The following APOL3 variants were observed in gnomAD, a reference collection of about 807,000 sequenced individuals.
APOL3 encodes TNF-inducible protein CG12-1.
APOL3 carries 14 observed loss-of-function variants against 11.6 expected under a neutral mutation model. That is an observed-to-expected ratio of 1.21 (90% confidence interval 0.80 to 1.89). The LOEUF is 1.89. APOL3 is among the 40% of genes most tolerant of loss of function. The pLI, the probability that APOL3 is intolerant of heterozygous loss-of-function variation, is 0.00. For synonymous variants in APOL3, 192 were observed against 190.6 expected (o/e 1.01, Z -0.06); for missense variants, 483 against 492.1 (o/e 0.98, Z 0.17).
chr22:36,160,222 G>A (rs184092415), intron 1 of APOL3, among the ~76,000 whole-genome samples: 299 of 152,182 alleles, frequency 2.0e-3, no homozygotes, highest in Non-Finnish European at 3.1e-3. Flanking sequence ...TGTCCCCATC[G>A]GGCCTCAGCA....
At chr22:36,154,077 G>C (rs886798404) in intron 1 of APOL3, among the ~76,000 whole-genome samples, 3 of 152,174 alleles carry the variant, frequency 2.0e-5, no homozygotes, top group African/African-American at 7.2e-5. Flanking sequence ...CAGCTAGCAG[G>C]CTTCACAGAG....
At chr22:36,141,501 G>C in exon 3 of APOL3, 1 of 1,614,188 alleles carries the variant, frequency 6.2e-7, no homozygotes, top group Non-Finnish European at 8.5e-7. Context: ...TCGGGCCCTG[G>C]CTCTGGCTTG....
chr22:36,144,184 G>T (rs569246760), intron 2 of APOL3, among the ~76,000 whole-genome samples: 7 of 152,148 alleles, frequency 4.6e-5, no homozygotes, highest in Admixed American at 4.6e-4. Context: ...CCCACTCACT[G>T]GTCCTCTGCA....
At chr22:36,160,929 T>G (rs754703537) in exon 1 of APOL3, 1 of 1,591,916 alleles carries the variant, frequency 6.3e-7, no homozygotes, top group Non-Finnish European at 8.6e-7. Context: ...ACCCTCCTGC[T>G]GATCCAAGAG....
intron 1 of APOL3, 109 bp downstream of exon 1, chr22:36,160,560 T>A: frequency 8.5e-7 from 1 of 1,171,560 alleles, no homozygotes; most frequent in Non-Finnish European, 1.2e-6. Flanking sequence ...GTGACCTCAG[T>A]CAGTTACCTA....
rs138851629 is a variant in APOL3 at position 36,141,692 on chromosome 22, G to A, written c.717C>T (p.Ile239=). The A allele has an allele frequency of 5.6e-5, 91 of 1,614,006 alleles. 1 individual carries two copies. In the Middle Eastern group the frequency reaches 1.8e-3, roughly 32 times the overall value. The change falls in exon 3 of 3, where the codon ATC becomes ATT. Residue 239 remains isoleucine, a synonymous_variant. Coordinates refer to ENST00000349314, the Ensembl canonical transcript of APOL3. ...CTGATGATGTGTATGAGTGCTCCACGATGCTGGTGGTGATCCCAGTCACAG... is the reference window on the plus strand; with the variant it reads ...CTGATGATGTGTATGAGTGCTCCACAATGCTGGTGGTGATCCCAGTCACAG...
At chr22:36,145,408 T>G (rs1158664763) in intron 2 of APOL3, 65 bp downstream of exon 3, 2 of 1,557,772 alleles carry the variant, frequency 1.3e-6, no homozygotes, top group African/African-American at 2.7e-5. Flanking sequence ...CAGAGAAAAC[T>G]AGCCCAGGGG....
At chr22:36,160,098 G>A (rs1407464951) in intron 1 of APOL3, among the ~76,000 whole-genome samples, 2 of 152,068 alleles carry the variant, frequency 1.3e-5, no homozygotes, top group Admixed American at 6.5e-5. Flanking sequence ...GGCCAGGCAG[G>A]TCTCGAACTC....
intron 1 of APOL3, among the ~76,000 whole-genome samples, chr22:36,157,307 G>A (rs893816246): frequency 3.9e-5 from 6 of 152,126 alleles, no homozygotes; most frequent in African/African-American, 1.4e-4. Context: ...GGACTTTTAC[G>A]GGAAAGAGGT....
chr22:36,160,356 A>C (rs1266037879), intron 1 of APOL3, among the ~76,000 whole-genome samples: 2 of 152,158 alleles, frequency 1.3e-5, no homozygotes, highest in Non-Finnish European at 2.9e-5. Flanking sequence ...GGACAGTCCC[A>C]ACATCTGCCT....
intron 1 of APOL3, among the ~76,000 whole-genome samples, chr22:36,146,790 A>G (rs988652631): frequency 1.3e-5 from 2 of 152,146 alleles, no homozygotes; most frequent in Non-Finnish European, 1.5e-5. Flanking sequence ...GATACATAAT[A>G]TTATCAGTAC....
chr22:36,147,952 C>A (rs2060280037), intron 1 of APOL3, among the ~76,000 whole-genome samples: 1 of 152,196 alleles, frequency 6.6e-6, no homozygotes, highest in South Asian at 2.1e-4. Context: ...TTCGGCCAGT[C>A]ATGAGCAGCC....
intron 1 of APOL3, among the ~76,000 whole-genome samples, chr22:36,160,116 C>T (rs1318930648): frequency 1.3e-5 from 2 of 152,148 alleles, no homozygotes; most frequent in Non-Finnish European, 2.9e-5. Context: ...CTCCTAACCT[C>T]AAGTGATCTA....
At chr22:36,143,535 A>G (rs1262952675) in intron 2 of APOL3, among the ~76,000 whole-genome samples, 6 of 152,214 alleles carry the variant, frequency 3.9e-5, no homozygotes, top group Non-Finnish European at 8.8e-5. Flanking sequence ...TATCAAATAA[A>G]ACCTCAGACT....
intron 2 of APOL3, among the ~76,000 whole-genome samples, chr22:36,143,210 G>A (rs1316300679): frequency 6.6e-6 from 1 of 152,204 alleles, no homozygotes; most frequent in Non-Finnish European, 1.5e-5. Flanking sequence ...AGCTTCTCTG[G>A]TTGGCAACAC....
chr22:36,155,357 C>T (rs1054597332), intron 1 of APOL3, among the ~76,000 whole-genome samples: 19 of 152,282 alleles, frequency 1.2e-4, no homozygotes, highest in East Asian at 3.9e-4. Flanking sequence ...CCCCCTGATG[C>T]GTTTTCATCC....
chr22:36,165,913 A>T (rs1241512163), upstream of APOL3: 3 of 152,224 alleles, frequency 2.0e-5, no homozygotes, highest in African/African-American at 7.2e-5. Context: ...GTAAGAAAAG[A>T]GAGTAGAAAG....
At chr22:36,142,916 C>A (rs1331359922) in intron 2 of APOL3, among the ~76,000 whole-genome samples, 1 of 152,228 alleles carries the variant, frequency 6.6e-6, no homozygotes, top group Non-Finnish European at 1.5e-5. Context: ...GGGTCCTCCC[C>A]ACTTGCTGTC....
intron 1 of APOL3, chr22:36,149,798 C>A (rs1331381452): frequency 2.2e-6 from 1 of 455,098 alleles, no homozygotes; most frequent in Admixed American, 2.4e-5. Flanking sequence ...CTCCTCATTC[C>A]AAATCTGTGT....
Sources: allele counts gnomAD v4.1 joint callset (sites outside exome capture counted in the v4.1 genomes callset), GRCh38; gene constraint gnomAD v4.1.1; transcripts MANE v1.5; gene names NCBI Gene and HGNC (gene_info 2026-07-23, HGNC 2026-07-21).